FER1L5: variants seen among roughly 807,000 people sequenced by gnomAD.
The protein encoded by FER1L5 is fer-1 like family member 5, also known as fer-1-like protein 5.
FER1L5 carries 187 observed loss-of-function variants against 279.9 expected under a neutral mutation model. The ratio of observed to expected loss-of-function variants is 0.67; its 90% CI spans 0.59 to 0.75. The LOEUF (loss-of-function observed/expected upper bound fraction) is 0.75, where lower values mean the gene tolerates loss of function less well. Ranked by LOEUF, FER1L5 falls within the 30% of genes least tolerant of loss-of-function variation. FER1L5 has a pLI of 0.00. For missense variants in FER1L5, 2,091 were observed against 2,594.4 expected, an observed-to-expected ratio of 0.81 and a Z score of 4.21; for synonymous variants, 921 against 989.7, an observed-to-expected ratio of 0.93 and a Z score of 1.30.
intron 19 of FER1L5, among the ~76,000 whole-genome samples, chr2:96,680,363 A>G (rs2076674233): frequency 6.6e-6 from 1 of 151,986 alleles, no homozygotes; most frequent in Admixed American, 6.6e-5. Context: ...CCGGAAAACT[A>G]TATTTTCCCT....
chr2:96,659,361 CCT>C (rs1491325661), intron 9 of FER1L5, among the ~76,000 whole-genome samples: 14 of 66,700 alleles, frequency 2.1e-4, no homozygotes, highest in Middle Eastern at 8.5e-3. Flanking sequence ...TTCCTTCCTT[CCT>C]TCTTTCTTTC....
intron 45 of FER1L5, 36 bp downstream of exon 45, chr2:96,700,507 G>C: frequency 6.2e-7 from 1 of 1,609,996 alleles, no homozygotes; most frequent in Non-Finnish European, 8.5e-7. Flanking sequence ...GGCTCCTACA[G>C]GAGGAGCTAG....
intron 14 of FER1L5, among the ~76,000 whole-genome samples, chr2:96,663,751 T>C (rs1280712209): frequency 6.6e-6 from 1 of 152,138 alleles, no homozygotes; most frequent in Admixed American, 6.6e-5. Context: ...ATATTTAAAA[T>C]GTACAATTTG....
chr2:96,698,132 C>A lies in FER1L5; in HGVS notation c.4332C>A (p.Asp1444Glu). ...FKLYQEQPKL[D>E]SPVVGEFKGL... ...TCTACCAGGAGCAGCCCAAGTTGGA[C>A]AGCCCCGTGGTAGGGGAGTTCAAGG... Residue 1444 changes from aspartate (D) to glutamate (E), a missense_variant, in exon 40 of 53, where the codon GAC (aspartate) becomes GAA (glutamate). Coordinates refer to ENST00000624922, the MANE Select transcript of FER1L5 (RefSeq NM_001293083.2). The surrounding 1 kb of genome is among the most constrained non-coding windows in gnomAD (Gnocchi z 5.5). 1 of 1,573,388 alleles carries A rather than the reference C, an allele frequency of 6.4e-7. No individual in the cohort carries two copies. Among genetic ancestry groups the A allele is most frequent in the Non-Finnish European group, 8.6e-7 (1 of 1,159,446 alleles).
At position 96,661,268 on chromosome 2, in the gene FER1L5, C is replaced by T. The variant is rs1286249640; in HGVS notation, c.779-57C>T. The T allele has an allele frequency of 3.1e-6, 4 of 1,278,564 alleles. No homozygotes were observed. The African/African-American group carries it at 6.1e-5, about 19-fold the overall frequency. The allele number at this position is 1,278,564 out of a possible 1,614,324, so 79.2% of individuals were successfully genotyped here. A position where few individuals can be genotyped will look rare whatever the true frequency, so the allele number is the denominator to read the frequency against. ...CTCCTGCTAAAACAAAGGCTGGTTT[C>T]AGGGGAGAAGGAAGGAGGCTGCAGG... On this transcript the variant is annotated intron_variant, in intron 10 of 52. Coordinates refer to ENST00000624922, the MANE Select transcript of FER1L5 (RefSeq NM_001293083.2).
In FER1L5 at chr2:96,684,273, G is replaced by A; in HGVS notation, c.1670-54G>A. 6 of 1,533,976 alleles carry A rather than the reference G, an allele frequency of 3.9e-6. 1 individual carries two copies. The highest frequency in any genetic ancestry group is 5.3e-6 in the Non-Finnish European group (6 of 1,134,968). On this transcript the variant is annotated intron_variant, in intron 19 of 52. Coordinates refer to ENST00000624922, the MANE Select transcript of FER1L5 (RefSeq NM_001293083.2). The stretch of plus-strand genomic sequence containing the variant: ...CCTCGGAGGGAGCACAGTGAGAAGA[G>A]ACCTCCCAGAATCCCCCAGACACCC...
At position 96,672,196 on chromosome 2, in the gene FER1L5, A is replaced by T. The variant is rs376434584; in HGVS notation, c.1492-881A>T. Among the ~76,000 whole-genome samples the T allele has an allele frequency of 1.4e-3, 220 of 152,276 alleles. 1 individual carries two copies. The highest frequency in any genetic ancestry group is 5.0e-3 in the African/African-American group (209 of 41,556). On this transcript the variant is annotated intron_variant, in intron 18 of 52. Coordinates refer to ENST00000624922, the MANE Select transcript of FER1L5 (RefSeq NM_001293083.2). ...TGGGTTCAAGCAATTCTCTTGCCTC[A>T]GCCTCCTGAGTATCTGGGATTATAG...
chr2:96,647,383 A>G (rs527949469), intron 3 of FER1L5, among the ~76,000 whole-genome samples: 1 of 152,274 alleles, frequency 6.6e-6, no homozygotes, highest in South Asian at 2.1e-4. Flanking sequence ...ATCTGAAGCC[A>G]CGTATCTCAA....
Position 96,663,619 on chromosome 2 carries a change from A to AG in FER1L5, c.1140+117dup, listed in dbSNP as rs756658886. On this transcript the variant is annotated intron_variant, in intron 14 of 52. Transcript: ENST00000624922. Reference sequence around the variant, plus strand: ...AGGGTGGGGGCCAAAAAGCATGGCAAGGGGGACTCTGCCTGATAGGGAGCA... The same window carrying AG: ...AGGGTGGGGGCCAAAAAGCATGGCAAGGGGGGACTCTGCCTGATAGGGAGCA... The AG allele has an allele frequency of 5.7e-4, 668 of 1,175,730 alleles. 1 individual carries two copies. The highest frequency in any genetic ancestry group is 7.1e-4 in the Non-Finnish European group (577 of 807,280). The allele number at this position is 1,175,730 out of a possible 1,614,324, so 72.8% of individuals were successfully genotyped here. A position where few individuals can be genotyped will look rare whatever the true frequency, so the allele number is the denominator to read the frequency against.
At chr2:96,665,628 G>T (rs1197024613) in intron 14 of FER1L5, among the ~76,000 whole-genome samples, 2 of 149,538 alleles carry the variant, frequency 1.3e-5, no homozygotes, top group African/African-American at 4.9e-5. Flanking sequence ...TTCTGAGACA[G>T]AGTTTCATTC....
At chr2:96,675,010 T>C (rs1170092879) in intron 19 of FER1L5, among the ~76,000 whole-genome samples, 4 of 152,192 alleles carry the variant, frequency 2.6e-5, no homozygotes, top group Non-Finnish European at 5.9e-5. Context: ...GTGAATGAAA[T>C]CCTAAACATG....
At chr2:96,645,170 C>G (rs113162518) in intron 1 of FER1L5, among the ~76,000 whole-genome samples, 4 of 152,102 alleles carry the variant, frequency 2.6e-5, no homozygotes, top group Non-Finnish European at 5.9e-5. Context: ...GGCTTTGCTC[C>G]GGCAATAAAT....
At chr2:96,671,001 G>A (rs1017451352) in intron 18 of FER1L5, among the ~76,000 whole-genome samples, 4 of 150,172 alleles carry the variant, frequency 2.7e-5, no homozygotes, top group Non-Finnish European at 5.9e-5. Flanking sequence ...CAGCTACTTC[G>A]GAGGCTGAGG....
Position 96,698,140 on chromosome 2 carries a change from T to A in FER1L5, c.4340T>A (p.Val1447Glu). The change falls in exon 40 of 53, where the codon GTG becomes GAG. Residue 1447 changes from valine (V) to glutamate (E), a missense_variant. Physicochemically the swap from Val to Glu is moderately radical, Grantham distance 121 (BLOSUM62 -2). Coordinates refer to ENST00000624922, the MANE Select transcript of FER1L5 (RefSeq NM_001293083.2). This position sits in a 1 kb window ranked among gnomAD's most constrained non-coding sequence, Gnocchi z 5.5. ...YQEQPKLDSP[V>E]VGEFKGLFRI... ...GAGCAGCCCAAGTTGGACAGCCCCG[T>A]GGTAGGGGAGTTCAAGGTGTGTGTC... 6.4e-7 allele frequency: 1 copy of A among 1,567,350 alleles called. No individual in the cohort carries two copies. Among genetic ancestry groups the A allele is most frequent in the African/African-American group, 1.4e-5 (1 of 73,766 alleles).
At chr2:96,693,273 G>T (rs1219292554) in intron 31 of FER1L5, among the ~76,000 whole-genome samples, 3 of 152,090 alleles carry the variant, frequency 2.0e-5, no homozygotes, top group African/African-American at 7.2e-5. Context: ...TGAGGCCCAG[G>T]CTTCAACCCT....
At chr2:96,668,638 A>G (rs1367130042) in intron 14 of FER1L5, 113 bp from the exon 15 acceptor site, 1 of 1,264,774 alleles carries the variant, frequency 7.9e-7, no homozygotes, top group African/African-American at 1.5e-5. Flanking sequence ...CTCACTGGTA[A>G]CTGAGCCAGG....
At chr2:96,686,855 C>CAAAAAAAAAAAAAAA (rs58724485) in intron 23 of FER1L5, among the ~76,000 whole-genome samples, 1 of 41,166 alleles carries the variant, frequency 2.4e-5, no homozygotes, top group Non-Finnish European at 5.3e-5. Flanking sequence ...GACTCCGTCT[C>CAAAAAAAAAAAAAAA]AAAAAAAAAA....
At chr2:96,651,289 TTCTTTC>T (rs1260334889) in intron 6 of FER1L5, among the ~76,000 whole-genome samples, 1 of 146,578 alleles carries the variant, frequency 6.8e-6, no homozygotes, top group Non-Finnish European at 1.5e-5. Flanking sequence ...CTTTCTTTCT[TTCTTTC>T]TTTCTTCTTT....
chr2:96,683,184 A>G (rs2106633943), intron 19 of FER1L5, among the ~76,000 whole-genome samples: 1 of 152,300 alleles, frequency 6.6e-6, no homozygotes, highest in South Asian at 2.1e-4. Flanking sequence ...AAAGTACTAC[A>G]AGCCAGGTGG....
Sources: allele counts gnomAD v4.1 joint callset (sites outside exome capture counted in the v4.1 genomes callset), GRCh38; gene constraint gnomAD v4.1.1; non-coding constraint Gnocchi (gnomAD v3.1); transcripts MANE v1.5; gene names NCBI Gene and HGNC (gene_info 2026-07-23, HGNC 2026-07-21).